GART: variants seen among roughly 807,000 people sequenced by gnomAD.
GART encodes the protein trifunctional purine biosynthetic protein adenosine-3.
Under a neutral mutation model 107.2 loss-of-function variants are expected in GART, and 43 were observed. That is an observed-to-expected ratio of 0.40 (90% CI 0.31 to 0.52). GART has a LOEUF of 0.52. Ranked by LOEUF, GART falls within the 20% of genes least tolerant of loss-of-function variation. The pLI, the probability that GART is intolerant of heterozygous loss-of-function variation, is 0.52. For missense variants in GART, 1,107 were observed against 1,206.5 expected, an observed-to-expected ratio of 0.92 and a Z score of 1.22; for synonymous variants, 434 against 427.0, an observed-to-expected ratio of 1.02 and a Z score of -0.20.
intron 7 of GART, among the ~76,000 whole-genome samples, chr21:33,529,219 C>T (rs559458148): frequency 3.5e-4 from 53 of 152,198 alleles, no homozygotes; most frequent in African/African-American, 1.2e-3. Flanking sequence ...TCTCTCCTAC[C>T]CTAAGGCTTC....
Position 33,528,381 on chromosome 21 carries a change from T to C in GART, c.898-46A>G, listed in dbSNP as rs2085114968. 3.1e-6 allele frequency: 5 copies of C among 1,601,076 alleles called. No individual in the cohort carries two copies. In the East Asian group the frequency reaches 1.1e-4, roughly 36 times the overall value. ...TGGCAGGTGGGATAAATTTTAGTTT[T>C]CCTTAAACATTTTATTCACTGGTGT... is the stretch of plus-strand genomic sequence containing the variant. On this transcript the variant is annotated intron_variant, in intron 9 of 21. Coordinates refer to ENST00000381815, the MANE Select transcript of GART (RefSeq NM_000819.5).
In GART at chr21:33,532,360, T is replaced by A. The variant is rs770881909; in HGVS notation, c.513A>T (p.Val171=). 6.2e-7 allele frequency: 1 copy of A among 1,613,616 alleles called. No individual in the cohort carries two copies. The highest frequency in any genetic ancestry group is 1.3e-5 in the African/African-American group (1 of 74,940). Residue 171 remains valine, a synonymous_variant, in exon 5 of 22, where the codon GTA becomes GTT. Coordinates refer to ENST00000381815, the MANE Select transcript of GART (RefSeq NM_000819.5). ...AKSKEEACKA[V]QEIMQEKAFG... Reference sequence around the variant, plus strand: ...CCCAGCCTACCTGCATGATCTCTTGTACAGCTTTGCAGGCCTCTTCTTTGC... The same window carrying A: ...CCCAGCCTACCTGCATGATCTCTTGAACAGCTTTGCAGGCCTCTTCTTTGC...
At position 33,516,973 on chromosome 21, in the gene GART, G is replaced by A. The variant is rs377405403; in HGVS notation, c.2107+16C>T. 39 of 1,581,376 alleles carry A rather than the reference G, an allele frequency of 2.5e-5. No individual in the cohort carries two copies. The highest frequency in any genetic ancestry group is 4.7e-5 in the South Asian group (4 of 85,280). On this transcript the variant is annotated intron_variant, in intron 16 of 21. Coordinates refer to ENST00000381815, the MANE Select transcript of GART (RefSeq NM_000819.5). ...TCAGCAATTTTCTGAACAGAAGTTC[G>A]TTTTAGTGATCTTACCTAAATCTAC...
rs2084673094 is a variant in GART at position 33,506,034 on chromosome 21, G to A, written c.2523C>T (p.Ile841=). 6.2e-7 allele frequency: 1 copy of A among 1,614,172 alleles called. No individual in the cohort carries two copies. The highest frequency in any genetic ancestry group is 8.5e-7 in the Non-Finnish European group (1 of 1,180,026). The change falls in exon 19 of 22, where the codon ATC becomes ATT. Residue 841 remains isoleucine (I), a synonymous_variant. Transcript: ENST00000381815. ...PNSSAQIDIV[I]SNKAAVAGLD... Reference sequence around the variant, plus strand: ...ACCCAGCTACTGCGGCTTTGTTGGAGATAACAATATCAATTTGTGCAGAGC... The same window carrying A: ...ACCCAGCTACTGCGGCTTTGTTGGAAATAACAATATCAATTTGTGCAGAGC...
chr21:33,536,033 A>C (rs2085298877), intron 2 of GART, among the ~76,000 whole-genome samples: 1 of 144,554 alleles, frequency 6.9e-6, no homozygotes, highest in Non-Finnish European at 1.5e-5. Context: ...ACTCTGTCTC[A>C]AAAAAAAAAA....
rs57178645 is a variant in GART, at chr21:33,528,756, TAAA to T, written c.811+91_811+93del. On this transcript the variant is annotated intron_variant, in intron 8 of 21. Transcript: ENST00000381815. ...TAAAAAATGGTCCATTAAAAAGTGG[TAAA>T]AAAAAAAAAAAAAGGGAATGGAAAA... 4.1e-3 allele frequency: 3,247 copies of T among 797,150 alleles called. 2 individuals carry two copies. The highest frequency in any genetic ancestry group is 8.9e-3 in the African/African-American group (452 of 50,638). The allele number at this position is 797,150 out of a possible 1,614,324, so 49.4% of individuals were successfully genotyped here.
upstream of GART, chr21:33,542,627 G>A (rs1169580137): frequency 3.7e-5 from 6 of 161,968 alleles, no homozygotes; most frequent in Admixed American, 1.8e-4. Context: ...TCTCCCGGAT[G>A]CATATCCCTG....
intron 7 of GART, 110 bp from the exon 8 acceptor site, chr21:33,529,047 C>G: frequency 1.6e-6 from 1 of 623,982 alleles, no homozygotes; most frequent in Admixed American, 2.6e-5. Flanking sequence ...TTTTTACTAC[C>G]TGAAACATGC....
intron 7 of GART, 72 bp downstream of exon 7, chr21:33,530,686 AG>A (rs2085168377): frequency 3.1e-6 from 4 of 1,287,128 alleles, no homozygotes; most frequent in Non-Finnish European, 4.0e-6. Flanking sequence ...AAAACAAAAT[AG>A]AAAGTATCAT....
Position 33,504,451 on chromosome 21 carries a change from G to A in GART, c.2802C>T (p.Thr934=), listed in dbSNP as rs760051902. Residue 934 remains threonine, a synonymous_variant, in exon 21 of 22, where the codon ACC becomes ACT. Transcript: ENST00000381815. ...CAGTGCACCCAGTAACTGTGACTCC[G>A]GTTTCCAGGGCTTGCTCATGGGCAT... ...GSNAHEQALE[T]GVTVTGCTVH... 2.4e-5 allele frequency: 39 copies of A among 1,613,920 alleles called. No homozygotes were observed. The highest frequency in any genetic ancestry group is 9.3e-5 in the African/African-American group (7 of 74,886).
chr21:33,538,137 G>A (rs1020681485), intron 2 of GART, among the ~76,000 whole-genome samples: 10 of 151,410 alleles, frequency 6.6e-5, no homozygotes, highest in African/African-American at 2.4e-4. Context: ...CCAGCTACTC[G>A]GGAGGCTGAG....
Position 33,534,591 on chromosome 21 carries a change from C to G in GART, c.404G>C (p.Ser135Thr), listed in dbSNP as rs372286276. 6.2e-7 allele frequency: 1 copy of G among 1,614,128 alleles called. No individual in the cohort carries two copies. The highest frequency in any genetic ancestry group is 1.1e-5 in the South Asian group (1 of 91,088). The change falls in exon 4 of 22, where the codon AGC becomes ACC. Residue 135 changes from serine to threonine, a missense_variant. Coordinates refer to ENST00000381815, the MANE Select transcript of GART (RefSeq NM_000819.5). ...ACCATTTACCTACCTCAAAATGAAG[C>G]TGCAGGCTTCTTCAGGTTTGGTGAA... is the stretch of plus-strand genomic sequence containing the variant. ...KAFTKPEEACSFILSADFPAL... is the reference protein window; with the variant it reads ...KAFTKPEEACTFILSADFPAL...
At chr21:33,520,860 C>T in intron 13 of GART, 46 bp downstream of exon 13, 2 of 1,327,002 alleles carry the variant, frequency 1.5e-6, no homozygotes, top group Non-Finnish European at 2.1e-6. Flanking sequence ...ATATAAATTT[C>T]CTCATCTTTC....
rs983213040 is a variant in GART at position 33,539,391 on chromosome 21, T to C, written c.-41-35A>G. 3 of 1,524,140 alleles carry C rather than the reference T, an allele frequency of 2.0e-6. No homozygotes were observed. In the African/African-American group the frequency reaches 4.2e-5, roughly 21 times the overall value. The allele number at this position is 1,524,140 out of a possible 1,614,324, so 94.4% of individuals were successfully genotyped here. ...GAAAACCACAGTTTATATCTTAGGATGCACATTTTAGAAACCCAGGGACGG... is the reference window on the plus strand; with the variant it reads ...GAAAACCACAGTTTATATCTTAGGACGCACATTTTAGAAACCCAGGGACGG... On this transcript the variant is annotated intron_variant, in intron 1 of 21. Transcript: ENST00000381815.
intron 16 of GART, among the ~76,000 whole-genome samples, chr21:33,512,760 A>C (rs2084808761): frequency 1.4e-5 from 1 of 72,680 alleles, no homozygotes; most frequent in Non-Finnish European, 2.4e-5. Flanking sequence ...GGCTATTTAA[A>C]AAATTTTTTT....
At chr21:33,511,927 C>T (rs998232902) in intron 16 of GART, among the ~76,000 whole-genome samples, 4 of 152,142 alleles carry the variant, frequency 2.6e-5, no homozygotes, top group Admixed American at 6.5e-5. Context: ...TCAACACCCT[C>T]TCCCTCTCAT....
intron 16 of GART, among the ~76,000 whole-genome samples, chr21:33,514,951 G>A (rs529740051): frequency 5.9e-5 from 9 of 152,282 alleles, no homozygotes; most frequent in African/African-American, 1.9e-4. Context: ...TGACTCTTGG[G>A]TTAGCTCACC....
rs769838747 is a variant in GART, at chr21:33,531,469, A to G, written c.597+20T>C. ...CAGCTTCTTATACACTACAAAAGCC[A>G]AAAAGATGAATATACATACCGACAC... On this transcript the variant is annotated intron_variant, in intron 6 of 21. Coordinates refer to ENST00000381815, the MANE Select transcript of GART (RefSeq NM_000819.5). 1.0e-5 allele frequency: 16 copies of G among 1,607,792 alleles called. No homozygotes were observed. The highest frequency in any genetic ancestry group is 6.7e-5 in the East Asian group (3 of 44,840).
intron 1 of GART, among the ~76,000 whole-genome samples, chr21:33,539,833 G>C (rs1231361829): frequency 1.3e-5 from 2 of 152,124 alleles, no homozygotes; most frequent in Non-Finnish European, 2.9e-5. Flanking sequence ...ATAAGCATAA[G>C]GGAGGTATTT....
Sources: gnomAD v4.1 joint callset for allele counts (sites outside exome capture counted in the v4.1 genomes callset) on GRCh38, gnomAD v4.1.1 for gene constraint, MANE v1.5 for transcripts, NCBI Gene and HGNC (gene_info 2026-07-23, HGNC 2026-07-21) for gene names.